MPP7: variants seen among roughly 807,000 people sequenced by gnomAD.
The protein encoded by MPP7 is MAGUK p55 scaffold protein 7.
Under a neutral mutation model 76.5 loss-of-function variants are expected in MPP7, and 60 were observed. That is an observed-to-expected ratio of 0.78 (90% CI 0.64 to 0.97). The LOEUF (loss-of-function observed/expected upper bound fraction) is 0.97, where lower values mean the gene tolerates loss of function less well. Among genes scored for constraint, MPP7 ranks in the 50% least tolerant of loss-of-function variants. The pLI is 0.00. For synonymous variants in MPP7, 237 were observed against 244.5 expected, an observed-to-expected ratio of 0.97 and a Z score of 0.29; for missense variants, 641 against 694.0, an observed-to-expected ratio of 0.92 and a Z score of 0.86.
At chr10:28,058,468 G>A in intron 15 of MPP7, 27 bp downstream of exon 15, 2 of 1,297,344 alleles carry the variant, frequency 1.5e-6, no homozygotes, top group Non-Finnish European at 2.2e-6. Flanking sequence ...GGTCAGAAGG[G>A]TATTGAATAG....
At chr10:28,140,196 T>C (rs1315787748) in intron 5 of MPP7, among the ~76,000 whole-genome samples, 3 of 152,174 alleles carry the variant, frequency 2.0e-5, no homozygotes, top group Non-Finnish European at 2.9e-5. Context: ...GAGCCCACTA[T>C]CTAATCAAAG....
chr10:28,301,481 T>C (rs1281752183), intron 1 of MPP7, among the ~76,000 whole-genome samples: 1 of 152,208 alleles, frequency 6.6e-6, no homozygotes, highest in African/African-American at 2.4e-5. Flanking sequence ...ACCTCGCAGA[T>C]AATATTTCTT....
rs1229398333 is a variant in MPP7, at chr10:28,051,215, TAC to T, written c.*2848_*2849del. 1.3e-5 allele frequency: 2 copies of T among 152,198 alleles called. No individual in the cohort carries two copies. The highest frequency in any genetic ancestry group is 2.4e-5 in the African/African-American group (1 of 41,436). The allele number at this position is 152,198 out of a possible 1,614,324, so 9.4% of individuals were successfully genotyped here. On this transcript the variant is annotated 3_prime_UTR_variant, in exon 17 of 17. Transcript: ENST00000683449. ...TTTATTAAGATCAAAGATTTTTCATTACATTTATTTATAAATCCTTCCTAGTC... is the reference window on the plus strand; with the variant it reads ...TTTATTAAGATCAAAGATTTTTCATTATTTATTTATAAATCCTTCCTAGTC...
chr10:28,222,317 G>A (rs1052638432), intron 2 of MPP7, among the ~76,000 whole-genome samples: 1 of 151,880 alleles, frequency 6.6e-6, no homozygotes, highest in Non-Finnish European at 1.5e-5. Flanking sequence ...TGGGTAATAT[G>A]GTGAGACCCC....
chr10:28,085,231 T>A (rs1442053267), intron 12 of MPP7, among the ~76,000 whole-genome samples: 1 of 152,208 alleles, frequency 6.6e-6, no homozygotes, highest in Non-Finnish European at 1.5e-5. Flanking sequence ...TGTAACTTAA[T>A]GCTTCAGGAT....
At chr10:28,313,511 GATAAA>G (rs72432349) in intron 2 of MPP7, among the ~76,000 whole-genome samples, 59,576 of 150,678 alleles carry the variant, frequency 0.4, 12,276 homozygotes, top group Middle Eastern at 0.49. Flanking sequence ...GTCTCAGAAA[GATAAA>G]ATAAAAAAAA....
intron 1 of MPP7, among the ~76,000 whole-genome samples, chr10:28,289,098 G>A (rs372300142): frequency 2.0e-5 from 3 of 152,054 alleles, no homozygotes; most frequent in Admixed American, 6.6e-5. Flanking sequence ...TCAGGAGTTC[G>A]AGACCAGCCT....
chr10:28,119,510 ATTTG>A (rs1834761759), intron 11 of MPP7, 137 bp downstream of exon 11: 2 of 627,364 alleles, frequency 3.2e-6, no homozygotes, highest in Non-Finnish European at 5.6e-6. Context: ...TGAATCTCAT[ATTTG>A]TTTGTTCCTG....
At chr10:28,067,765 AAAG>A (rs1852049235) in intron 13 of MPP7, among the ~76,000 whole-genome samples, 1 of 152,196 alleles carries the variant, frequency 6.6e-6, no homozygotes, top group Admixed American at 6.5e-5. Flanking sequence ...CTCATCTTCA[AAAG>A]AAGTCAGTTT....
upstream of MPP7, among the ~76,000 whole-genome samples, chr10:28,306,602 T>A (rs975383328): frequency 2.8e-4 from 42 of 151,674 alleles, no homozygotes; most frequent in African/African-American, 1.0e-3. Context: ...GAACAGAGAT[T>A]TTGCCACTGC....
At chr10:28,209,830 A>G (rs1206115757) in intron 2 of MPP7, among the ~76,000 whole-genome samples, 1 of 152,214 alleles carries the variant, frequency 6.6e-6, no homozygotes. Flanking sequence ...GTGGTAAGAC[A>G]TTATTTCTGG....
chr10:28,183,036 C>T (rs1837110197), intron 3 of MPP7, among the ~76,000 whole-genome samples: 1 of 152,194 alleles, frequency 6.6e-6, no homozygotes, highest in African/African-American at 2.4e-5. Flanking sequence ...CAAGATCACG[C>T]CATTGCATTC....
chr10:28,130,125 T>A (rs1207319282), intron 6 of MPP7, among the ~76,000 whole-genome samples: 1 of 149,814 alleles, frequency 6.7e-6, no homozygotes, highest in South Asian at 2.1e-4. Context: ...AATTCTAATA[T>A]CTTTTAAATA....
At chr10:28,069,342 C>T (rs1852116991) in intron 13 of MPP7, among the ~76,000 whole-genome samples, 1 of 152,140 alleles carries the variant, frequency 6.6e-6, no homozygotes, top group Non-Finnish European at 1.5e-5. Context: ...TGATGGTTCA[C>T]GCCTGTAATC....
chr10:28,159,861 T>C (rs977789012), intron 3 of MPP7, among the ~76,000 whole-genome samples: 8 of 152,174 alleles, frequency 5.3e-5, no homozygotes. Context: ...ATTTGGAAAA[T>C]ACTGCTTCAC....
intron 5 of MPP7, among the ~76,000 whole-genome samples, chr10:28,139,038 C>T (rs952632780): frequency 1.7e-4 from 26 of 152,232 alleles, no homozygotes; most frequent in Admixed American, 5.2e-4. Context: ...TGCCTGAGAC[C>T]CTCATTATGA....
chr10:28,204,835 AAAC>A (rs1837898556), intron 2 of MPP7, among the ~76,000 whole-genome samples: 1 of 152,344 alleles, frequency 6.6e-6, no homozygotes, highest in African/African-American at 2.4e-5. Context: ...GTTCAAAGTC[AAAC>A]AATAGCTTAG....
At chr10:28,241,591 T>G (rs1839270230) in intron 1 of MPP7, among the ~76,000 whole-genome samples, 1 of 152,164 alleles carries the variant, frequency 6.6e-6, no homozygotes, top group Non-Finnish European at 1.5e-5. Flanking sequence ...CCATAATTAT[T>G]ACTGACTGTT....
intron 1 of MPP7, chr10:28,282,021 T>G (rs1329946463): frequency 6.6e-6 from 1 of 152,106 alleles, no homozygotes; most frequent in East Asian, 1.9e-4. Flanking sequence ...TTTCTTTCTC[T>G]TCACAATGAG....
Sources: allele counts gnomAD v4.1 joint callset (sites outside exome capture counted in the v4.1 genomes callset), GRCh38; gene constraint gnomAD v4.1.1; transcripts MANE v1.5; gene names NCBI Gene and HGNC (gene_info 2026-07-23, HGNC 2026-07-21).